The following CAMK2B variants were observed in gnomAD, a reference collection of about 807,000 sequenced individuals.
CAMK2B encodes calcium/calmodulin dependent protein kinase II beta.
A neutral mutation model predicts 93.7 loss-of-function variants in CAMK2B; 27 were observed. The observed-to-expected ratio is 0.29, with a 90% CI of 0.21 to 0.40. The LOEUF (loss-of-function observed/expected upper bound fraction) is 0.40. Ranked by LOEUF, CAMK2B falls within the 10% of genes least tolerant of loss-of-function variation. CAMK2B has a pLI of 1.00. For missense variants in CAMK2B, 568 were observed against 895.8 expected (o/e 0.63, Z 4.67); for synonymous variants, 374 against 358.8 (o/e 1.04, Z -0.48).
chr7:44,310,603 A>G (rs1384746992), intron 1 of CAMK2B, among the ~76,000 whole-genome samples: 2 of 152,270 alleles, frequency 1.3e-5, no homozygotes, highest in East Asian at 1.9e-4. Context: ...CAAAATGCAC[A>G]CAATGGAATA....
At chr7:44,307,555 C>A (rs1168160816) in intron 1 of CAMK2B, among the ~76,000 whole-genome samples, 1 of 151,984 alleles carries the variant, frequency 6.6e-6, no homozygotes, top group African/African-American at 2.4e-5. Context: ...GGGCTCACTG[C>A]ATCTTTGGAA....
At chr7:44,229,574 G>T (rs751970481) in intron 17 of CAMK2B, 73 bp from the exon 18 acceptor site, 1 of 670,800 alleles carries the variant, frequency 1.5e-6, no homozygotes, top group South Asian at 2.6e-5. Context: ...GAGAAGGACA[G>T]GGGGAGGCCA....
chr7:44,260,948 G>A (rs1584336471), intron 3 of CAMK2B, among the ~76,000 whole-genome samples: 1 of 152,182 alleles, frequency 6.6e-6, no homozygotes. Flanking sequence ...TCTGTGAGCC[G>A]ACGCTGGCCT....
At chr7:44,226,665 C>A in intron 19 of CAMK2B, 21 bp from the exon 20 acceptor site, 1 of 1,520,366 alleles carries the variant, frequency 6.6e-7, no homozygotes, top group Non-Finnish European at 8.7e-7. Flanking sequence ...ACAGACGAGA[C>A]GTGAACACAA....
chr7:44,309,260 G>A lies in CAMK2B; in HGVS notation c.65+16097C>T, dbSNP rs537575870. Reference sequence around the variant, plus strand: ...AGTTCACAGCTGCCCAGCTGAAGCCGGGCTCTGGGGCAGGGGTCAGCCCAC... The same window carrying A: ...AGTTCACAGCTGCCCAGCTGAAGCCAGGCTCTGGGGCAGGGGTCAGCCCAC... On this transcript the variant is annotated intron_variant, in intron 1 of 23. Transcript: ENST00000395749. Among the ~76,000 whole-genome samples the A allele has an allele frequency of 5.9e-5, 9 of 152,308 alleles. No individual in the cohort carries two copies. In the East Asian group the frequency reaches 1.5e-3, roughly 26 times the overall value.
chr7:44,234,980 T>A (rs760030831), intron 13 of CAMK2B, among the ~76,000 whole-genome samples: 1 of 152,188 alleles, frequency 6.6e-6, no homozygotes, highest in Non-Finnish European at 1.5e-5. Context: ...CTGGGCCACA[T>A]GCAAGCTCTT....
intron 1 of CAMK2B, among the ~76,000 whole-genome samples, chr7:44,292,115 A>G (rs577288630): frequency 6.6e-6 from 1 of 152,256 alleles, no homozygotes; most frequent in South Asian, 2.1e-4. Flanking sequence ...GGGAGGGAGA[A>G]TCTGTTCCAT....
chr7:44,220,746 G>A (rs2128861214), intron 21 of CAMK2B, 36 bp from the exon 22 acceptor site: 1 of 1,586,272 alleles, frequency 6.3e-7, no homozygotes, highest in Non-Finnish European at 8.6e-7. Context: ...GGGCCCCGTG[G>A]ACCCCTGACT....
chr7:44,231,788 G>A (rs2096581838), intron 16 of CAMK2B, among the ~76,000 whole-genome samples: 1 of 152,320 alleles, frequency 6.6e-6, no homozygotes, highest in South Asian at 2.1e-4. Context: ...CCTGCTCCAG[G>A]GCTGCTGCCC....
chr7:44,323,451 C>T (rs1326945396), intron 1 of CAMK2B, among the ~76,000 whole-genome samples: 1 of 152,252 alleles, frequency 6.6e-6, no homozygotes, highest in Non-Finnish European at 1.5e-5. Context: ...CTCAACCTTC[C>T]CCAGGCAGCC....
At chr7:44,298,012 T>A (rs2129166792) in intron 1 of CAMK2B, among the ~76,000 whole-genome samples, 1 of 152,272 alleles carries the variant, frequency 6.6e-6, no homozygotes, top group Admixed American at 6.5e-5. Flanking sequence ...TAATCCCAGC[T>A]ACTCAGGAGG....
In CAMK2B at chr7:44,226,563, G is replaced by A. The variant is rs2096482309; in HGVS notation, c.1550C>T (p.Pro517Leu). ...GATAGTCGGAGATGGGCAGGGCGGGGGCCCCACTGGCGAGGGGCCCTCGGC... is the reference window on the plus strand; with the variant it reads ...GATAGTCGGAGATGGGCAGGGCGGGAGCCCCACTGGCGAGGGGCCCTCGGC... Reference protein sequence around the residue: ...PEAEGPSPVGPPPCPSPTIPG... With the variant: ...PEAEGPSPVGLPPCPSPTIPG... Residue 517 changes from proline to leucine, a missense_variant, in exon 20 of 24, where the codon CCC (proline) becomes CTC (leucine). Transcript: ENST00000395749. The A allele has an allele frequency of 4.1e-6, 6 of 1,468,498 alleles. No homozygotes were observed. Among genetic ancestry groups the A allele is most frequent in the Non-Finnish European group, 4.5e-6 (5 of 1,117,110 alleles). 91.0% of individuals were successfully genotyped at this position (1,468,498 alleles called of 1,614,324 possible).
At chr7:44,258,961 T>C (rs1308237227) in intron 3 of CAMK2B, 35 bp from the exon 4 acceptor site, 3 of 1,592,148 alleles carry the variant, frequency 1.9e-6, no homozygotes, top group African/African-American at 2.7e-5. Context: ...GGGCTGGCAA[T>C]AGCCCAGGAC....
intron 20 of CAMK2B, among the ~76,000 whole-genome samples, chr7:44,226,269 A>G (rs1033565088): frequency 3.3e-5 from 5 of 152,072 alleles, no homozygotes; most frequent in Non-Finnish European, 7.4e-5. Context: ...GGTCGGCAAC[A>G]AACCTGCTCT....
chr7:44,245,015 G>A (rs1003228296), intron 6 of CAMK2B: 13 of 455,192 alleles, frequency 2.9e-5, no homozygotes, highest in African/African-American at 2.4e-4. Context: ...TCCCCGTGCA[G>A]CTACATGGAG....
At chr7:44,279,385 G>A (rs2097082999) in intron 2 of CAMK2B, among the ~76,000 whole-genome samples, 1 of 152,224 alleles carries the variant, frequency 6.6e-6, no homozygotes, top group Admixed American at 6.5e-5. Context: ...AGCCCTGGGC[G>A]GAGGGCCTGT....
At chr7:44,313,941 G>A (rs1439180082) in intron 1 of CAMK2B, among the ~76,000 whole-genome samples, 2 of 151,862 alleles carry the variant, frequency 1.3e-5, no homozygotes, top group Non-Finnish European at 2.9e-5. Context: ...TTCAAAGAAG[G>A]TGGCCTGGCC....
chr7:44,300,566 G>C (rs1378174791), intron 1 of CAMK2B, among the ~76,000 whole-genome samples: 1 of 152,064 alleles, frequency 6.6e-6, no homozygotes, highest in African/African-American at 2.4e-5. Context: ...AAAAGGGTCA[G>C]TTTTCTAAGA....
chr7:44,284,321 A>T (rs1278450532), intron 1 of CAMK2B, 96 bp from the exon 2 acceptor site: 1 of 891,158 alleles, frequency 1.1e-6, no homozygotes, highest in Non-Finnish European at 1.8e-6. Flanking sequence ...CTCCCCATTA[A>T]GCATTCAGCC....
Sources: gnomAD v4.1 joint callset for allele counts (sites outside exome capture counted in the v4.1 genomes callset) on GRCh38, gnomAD v4.1.1 for gene constraint, MANE v1.5 for transcripts, NCBI Gene and HGNC (gene_info 2026-07-23, HGNC 2026-07-21) for gene names.